The following MYH15 variants were observed in gnomAD, a reference collection of about 807,000 sequenced individuals.
MYH15 encodes myosin-15.
In MYH15, 227 loss-of-function variants were observed where a neutral mutation model predicts 240.5. That is an observed-to-expected ratio of 0.94 (90% CI 0.85 to 1.05). The LOEUF is 1.05. MYH15 is among the 50% of genes least tolerant of loss of function. The probability of loss-of-function intolerance (pLI) is 0.00; values close to 1 mark genes in which losing one functional copy is unlikely to be tolerated. For missense variants in MYH15, 2,217 were observed against 2,247.5 expected (o/e 0.99, Z 0.27); for synonymous variants, 785 against 796.7 (o/e 0.99, Z 0.25).
chr3:108,419,608 G>C (rs1324800698), intron 28 of MYH15, among the ~76,000 whole-genome samples: 2 of 152,172 alleles, frequency 1.3e-5, no homozygotes, highest in African/African-American at 4.8e-5. Flanking sequence ...ATCAAACTGG[G>C]GGCTTGGTAG....
rs1037371025 is a variant in MYH15, at chr3:108,437,568, T to C, written c.3207A>G (p.Ala1069=). 3 of 1,613,560 alleles carry C rather than the reference T, an allele frequency of 1.9e-6. No homozygotes were observed. Among genetic ancestry groups the C allele is most frequent in the Non-Finnish European group, 2.5e-6 (3 of 1,179,812 alleles). The change falls in exon 25 of 41, where the codon GCA becomes GCG. Residue 1069 remains alanine, a synonymous_variant. Coordinates refer to ENST00000693548, the MANE Select transcript of MYH15 (RefSeq NM_014981.3). The stretch of plus-strand genomic sequence containing the variant: ...AGGTGGCTTACTTCCTCAGCTCTTC[T>C]GCCAGGTGTCGCTGGCTGCTTTCCA... The part of the protein sequence containing the change: ...ENLESSQRHL[A]EELRKKELEL...
chr3:108,427,369 A>G (rs769352192), intron 27 of MYH15, among the ~76,000 whole-genome samples: 2 of 152,112 alleles, frequency 1.3e-5, no homozygotes, highest in South Asian at 4.1e-4. Context: ...GCCTTCATCA[A>G]TGGGACTGGT....
At chr3:108,439,283 A>G (rs1477637048) in intron 24 of MYH15, among the ~76,000 whole-genome samples, 1 of 152,214 alleles carries the variant, frequency 6.6e-6, no homozygotes, top group Non-Finnish European at 1.5e-5. Flanking sequence ...GTGTAGGTAG[A>G]ACACAACTTG....
rs889760271 is a variant in MYH15, at chr3:108,464,623, C to A, written c.1731+15G>T. 1.9e-6 allele frequency: 3 copies of A among 1,592,048 alleles called. No individual in the cohort carries two copies. In the African/African-American group the frequency reaches 4.1e-5, roughly 22 times the overall value. ...GTCAGGAAAATTCAAGACCGGGGGT[C>A]CAGAGGTAACTCACCACTCCTGCAT... On this transcript the variant is annotated intron_variant, in intron 15 of 40. Transcript: ENST00000693548.
At chr3:108,436,040 C>G (rs2082832170) in intron 25 of MYH15, among the ~76,000 whole-genome samples, 1 of 152,084 alleles carries the variant, frequency 6.6e-6, no homozygotes, top group Admixed American at 6.6e-5. Flanking sequence ...TCTCTCACCT[C>G]AGGAAATTAA....
chr3:108,541,931 A>C, the MYH15 span, among the ~76,000 whole-genome samples: 1 of 152,148 alleles, frequency 6.6e-6, no homozygotes, highest in South Asian at 2.1e-4. Flanking sequence ...ACCAATATAT[A>C]AATATAGGTA....
At position 108,388,007 on chromosome 3, in the gene MYH15, G is replaced by GA. The variant is rs573824156; in HGVS notation, c.5535+962dup. On this transcript the variant is annotated intron_variant, in intron 38 of 40. Transcript: ENST00000693548. ...CAGATCTTGCATTGGCATTGTCAAA[G>GA]AAGCTGTAAAAATGGGTGCCTAAAA... Among the ~76,000 whole-genome samples, 15 of 152,338 alleles carry GA rather than the reference G, an allele frequency of 9.8e-5. 1 individual carries two copies. The South Asian group carries it at 2.1e-3, about 21-fold the overall frequency.
chr3:108,484,983 A>G (rs1163914325), intron 11 of MYH15, 108 bp downstream of exon 11: 1 of 1,163,608 alleles, frequency 8.6e-7, no homozygotes, highest in Non-Finnish European at 1.2e-6. Flanking sequence ...CAAGGGAGAC[A>G]CTATTGATTA....
upstream of MYH15, among the ~76,000 whole-genome samples, chr3:108,533,620 A>G (rs192936655): frequency 6.6e-6 from 1 of 152,260 alleles, no homozygotes; most frequent in Admixed American, 6.5e-5. Context: ...AAGGTGCCAG[A>G]CTGTGAGGAG....
At chr3:108,544,975 C>T in the MYH15 span, among the ~76,000 whole-genome samples, 1 of 152,074 alleles carries the variant, frequency 6.6e-6, no homozygotes, top group African/African-American at 2.4e-5. Flanking sequence ...TAAAATTTGG[C>T]AAACTTTTCT....
Position 108,408,261 on chromosome 3 carries a change from T to C in MYH15, c.4620+19A>G. ...GCCTTGTCACAGTGAAAACTTTCTT[T>C]TCTCCCTGGTGATAATACCTCTGTT... On this transcript the variant is annotated intron_variant, in intron 32 of 40. Transcript: ENST00000693548. The C allele has an allele frequency of 6.3e-7, 1 of 1,598,962 alleles. No individual in the cohort carries two copies. Among genetic ancestry groups the C allele is most frequent in the Non-Finnish European group, 8.5e-7 (1 of 1,175,754 alleles).
chr3:108,423,005 G>A lies in MYH15; in HGVS notation c.3703-1791C>T, dbSNP rs556563887. ...GCTAAAGATGGGGTTCTTTGTCCCC[G>A]GCCACAAAAAATCAGGCTCACAGAC... On this transcript the variant is annotated intron_variant, in intron 27 of 40. Coordinates refer to ENST00000693548, the MANE Select transcript of MYH15 (RefSeq NM_014981.3). 3.6e-4 allele frequency among the ~76,000 whole-genome samples: 55 copies of A among 152,070 alleles called. 1 individual carries two copies. Among genetic ancestry groups the A allele is most frequent in the Admixed American group, 2.6e-3 (39 of 15,276 alleles).
the MYH15 span, among the ~76,000 whole-genome samples, chr3:108,538,757 T>C: frequency 6.6e-6 from 1 of 152,186 alleles, no homozygotes; most frequent in Non-Finnish European, 1.5e-5. Context: ...TGAGGTGTCT[T>C]AGTCTGTTTT....
the MYH15 span, among the ~76,000 whole-genome samples, chr3:108,542,625 T>C: frequency 2.6e-5 from 4 of 152,176 alleles, no homozygotes; most frequent in Non-Finnish European, 5.9e-5. Context: ...TGTCACATGG[T>C]GTGCTGCACA....
the MYH15 span, among the ~76,000 whole-genome samples, chr3:108,544,215 C>T: frequency 2.6e-5 from 4 of 152,128 alleles, no homozygotes; most frequent in Admixed American, 2.6e-4. Context: ...TTTTGTACCA[C>T]GTGCTCATAT....
chr3:108,494,234 C>A (rs1222140715), intron 7 of MYH15, among the ~76,000 whole-genome samples: 1 of 152,172 alleles, frequency 6.6e-6, no homozygotes, highest in Non-Finnish European at 1.5e-5. Flanking sequence ...GTCACACACA[C>A]AAACATACAT....
the MYH15 span, among the ~76,000 whole-genome samples, chr3:108,549,564 C>T: frequency 6.6e-6 from 1 of 151,952 alleles, no homozygotes; most frequent in Admixed American, 6.6e-5. Flanking sequence ...GTTCTTTAAA[C>T]ACATACTTGT....
upstream of MYH15, among the ~76,000 whole-genome samples, chr3:108,532,487 A>G (rs1453089236): frequency 6.6e-6 from 1 of 151,986 alleles, no homozygotes; most frequent in Non-Finnish European, 1.5e-5. Flanking sequence ...TGGAACTTAC[A>G]CTGTCAGATC....
At chr3:108,490,047 G>C (rs1036789738) in intron 9 of MYH15, among the ~76,000 whole-genome samples, 1 of 152,194 alleles carries the variant, frequency 6.6e-6, no homozygotes, top group African/African-American at 2.4e-5. Flanking sequence ...TGCAGTCTCT[G>C]CTGGTACCCA....
Sources: allele counts gnomAD v4.1 joint callset (sites outside exome capture counted in the v4.1 genomes callset), GRCh38; gene constraint gnomAD v4.1.1; transcripts MANE v1.5; gene names NCBI Gene and HGNC (gene_info 2026-07-23, HGNC 2026-07-21).